Variants in NAALADL2 observed in about 807,000 individuals in gnomAD.
NAALADL2 encodes the protein N-acetylated alpha-linked acidic dipeptidase like 2, also known as inactive N-acetylated-alpha-linked acidic dipeptidase-like protein 2.
A neutral mutation model predicts 87.2 loss-of-function variants in NAALADL2; 76 were observed. The ratio of observed to expected loss-of-function variants is 0.87; its 90% confidence interval spans 0.72 to 1.05. The LOEUF (loss-of-function observed/expected upper bound fraction) is 1.05. Ranked by LOEUF, NAALADL2 falls within the 50% of genes least tolerant of loss-of-function variation. NAALADL2 has a pLI of 0.00. For missense variants in NAALADL2, 1,089 were observed against 945.8 expected (o/e 1.15, Z -1.99); for synonymous variants, 354 against 331.0 (o/e 1.07, Z -0.75).
At chr3:174,781,747 T>C (rs1242258220) in intron 3 of NAALADL2, among the ~76,000 whole-genome samples, 1 of 151,746 alleles carries the variant, frequency 6.6e-6, no homozygotes, top group African/African-American at 2.4e-5. Flanking sequence ...TCAGGAGAGG[T>C]AATATTGAGC....
intron 4 of NAALADL2, among the ~76,000 whole-genome samples, chr3:175,284,037 A>T (rs1257379895): frequency 1.3e-5 from 2 of 152,130 alleles, no homozygotes; most frequent in Non-Finnish European, 2.9e-5. Flanking sequence ...ATTATCAAAA[A>T]ACTCGTGTCT....
At position 174,566,633 on chromosome 3, in the gene NAALADL2, T is replaced by C. The variant is rs146462875; in HGVS notation, c.-115+15996T>C. Among the ~76,000 whole-genome samples the C allele has an allele frequency of 2.7e-3, 407 of 151,958 alleles. 1 individual carries two copies. Among genetic ancestry groups the C allele is most frequent in the African/African-American group, 9.1e-3 (380 of 41,562 alleles). ...CTTCCCTCATTCCATATTTTATGTC[T>C]TTAATTTTTTCCCTTATTTTTCTAT... On this transcript the variant is annotated intron_variant, in intron 2 of 3. Transcript: ENST00000434257.
intron 1 of NAALADL2, among the ~76,000 whole-genome samples, chr3:175,000,784 G>C (rs1232668169): frequency 1.3e-5 from 2 of 152,154 alleles, no homozygotes; most frequent in African/African-American, 2.4e-5. Context: ...TGTATGCAGA[G>C]CATGCTCAAG....
At chr3:175,743,200 C>A (rs1745482827) in intron 12 of NAALADL2, among the ~76,000 whole-genome samples, 1 of 152,028 alleles carries the variant, frequency 6.6e-6, no homozygotes. Context: ...GGGGTTTCAC[C>A]ATGTTGGCCA....
At chr3:174,952,191 C>A (rs1022224966) in intron 1 of NAALADL2, among the ~76,000 whole-genome samples, 10 of 152,086 alleles carry the variant, frequency 6.6e-5, no homozygotes, top group Non-Finnish European at 1.5e-4. Context: ...TAACATAGTT[C>A]TTATCATATT....
At chr3:175,581,868 CATTCA>C (rs1719836710) in intron 10 of NAALADL2, among the ~76,000 whole-genome samples, 1 of 152,184 alleles carries the variant, frequency 6.6e-6, no homozygotes, top group Admixed American at 6.5e-5. Flanking sequence ...TCTGACAAGG[CATTCA>C]ACTACATCTT....
chr3:174,784,482 C>T (rs1365356782), intron 3 of NAALADL2, among the ~76,000 whole-genome samples: 1 of 152,034 alleles, frequency 6.6e-6, no homozygotes, highest in Non-Finnish European at 1.5e-5. Flanking sequence ...ATACAATGTG[C>T]CTCAGTAGCT....
intron 9 of NAALADL2, among the ~76,000 whole-genome samples, chr3:175,559,874 G>A (rs1715987778): frequency 6.6e-6 from 1 of 152,184 alleles, no homozygotes; most frequent in Admixed American, 6.5e-5. Flanking sequence ...ATATTCATCA[G>A]TAATACTGGC....
intron 2 of NAALADL2, among the ~76,000 whole-genome samples, chr3:175,114,204 A>G (rs9824182): frequency 1.3e-5 from 2 of 151,466 alleles, no homozygotes; most frequent in South Asian, 2.1e-4. Flanking sequence ...GTACTAATGC[A>G]GGTATAGACA....
At chr3:174,861,299 T>C (rs79808909) in intron 1 of NAALADL2, among the ~76,000 whole-genome samples, 4,138 of 152,126 alleles carry the variant, frequency 0.027, 187 homozygotes, top group African/African-American at 0.094. Flanking sequence ...AAAGAACCGA[T>C]GGTAGTTCAG....
chr3:175,089,679 G>T (rs1232665849), intron 1 of NAALADL2, among the ~76,000 whole-genome samples: 7 of 152,152 alleles, frequency 4.6e-5, no homozygotes, highest in Non-Finnish European at 7.4e-5. Flanking sequence ...AGATAAAAAA[G>T]ACATTAATAG....
intron 2 of NAALADL2, among the ~76,000 whole-genome samples, chr3:174,733,306 G>A (rs1304254460): frequency 1.3e-5 from 2 of 152,172 alleles, no homozygotes; most frequent in Non-Finnish European, 2.9e-5. Flanking sequence ...GAATTTCAAT[G>A]TAAGATACTA....
Position 175,463,476 on chromosome 3 carries a change from T to G in NAALADL2, c.1310T>G (p.Met437Arg). ...GTTACTAATGTTGTTGGATTTGTAA[T>G]GGGCTTGACATCTCCAGGTAAGTAG... ...KTVTNVVGFV[M>R]GLTSPDRYII... The change falls in exon 7 of 14, where the codon ATG becomes AGG. Residue 437 changes from methionine (M) to arginine (R), a missense_variant. Met to Arg is a moderately conservative substitution (Grantham distance 91). Transcript: ENST00000454872. 1.9e-6 allele frequency: 3 copies of G among 1,593,794 alleles called. No homozygotes were observed. Among genetic ancestry groups the G allele is most frequent in the Non-Finnish European group, 2.6e-6 (3 of 1,167,624 alleles).
rs1210084864 is a variant in NAALADL2 at position 174,954,817 on chromosome 3, A to T, written c.43+95367A>T. Among the ~76,000 whole-genome samples the T allele has an allele frequency of 2.0e-5, 3 of 152,028 alleles. No individual in the cohort carries two copies. In the East Asian group the frequency reaches 5.8e-4, roughly 29 times the overall value. On this transcript the variant is annotated intron_variant, in intron 1 of 13. Transcript: ENST00000454872. ...TGTCAGGGGAACCTATGCTGGCTAA[A>T]AGACCTTGTAAGAGAAGTTCATAAA...
intron 3 of NAALADL2, among the ~76,000 whole-genome samples, chr3:174,840,246 T>C (rs1490150505): frequency 6.6e-6 from 1 of 151,842 alleles, no homozygotes; most frequent in African/African-American, 2.4e-5. Flanking sequence ...CTTGATTTTA[T>C]TGCAAATGTT....
At chr3:174,681,642 C>T (rs560409) in intron 2 of NAALADL2, among the ~76,000 whole-genome samples, 30,798 of 152,166 alleles carry the variant, frequency 0.2, 3,626 homozygotes, top group Non-Finnish European at 0.26. Context: ...CAGCATTCCT[C>T]GTTTGCTGGC....
chr3:175,686,401 G>A (rs1017499344), intron 11 of NAALADL2, among the ~76,000 whole-genome samples: 5 of 151,900 alleles, frequency 3.3e-5, no homozygotes, highest in Non-Finnish European at 7.4e-5. Flanking sequence ...TTTTCAATTG[G>A]ACATTAAATT....
At chr3:174,640,219 C>A (rs1380111486) in intron 2 of NAALADL2, among the ~76,000 whole-genome samples, 1 of 152,204 alleles carries the variant, frequency 6.6e-6, no homozygotes, top group East Asian at 1.9e-4. Flanking sequence ...TTAGCTCCTG[C>A]CCTTAACTGC....
At chr3:175,176,944 G>C (rs1285553064) in intron 2 of NAALADL2, among the ~76,000 whole-genome samples, 1 of 152,024 alleles carries the variant, frequency 6.6e-6, no homozygotes, top group East Asian at 1.9e-4. Context: ...GTGGTAAATT[G>C]ATACAGCAAC....
Sources: allele counts gnomAD v4.1 joint callset (sites outside exome capture counted in the v4.1 genomes callset), GRCh38; gene constraint gnomAD v4.1.1; transcripts MANE v1.5; gene names NCBI Gene and HGNC (gene_info 2026-07-23, HGNC 2026-07-21).